The following PPP2R2C variants were observed in gnomAD, a reference collection of about 807,000 sequenced individuals.
The protein encoded by PPP2R2C is protein phosphatase 2 regulatory subunit Bgamma.
PPP2R2C carries 10 observed loss-of-function variants against 45.3 expected under a neutral mutation model. The ratio of observed to expected loss-of-function variants is 0.22; its 90% CI spans 0.14 to 0.37. The LOEUF (loss-of-function observed/expected upper bound fraction) is 0.37. Among genes scored for constraint, PPP2R2C ranks in the 10% least tolerant of loss-of-function variants. The pLI is 1.00. For missense variants in PPP2R2C, 308 were observed against 619.7 expected (o/e 0.50, Z 5.34); for synonymous variants, 257 against 245.4 (o/e 1.05, Z -0.44).
chr4:6,406,350 G>A lies in PPP2R2C; in HGVS notation c.71-25256C>T, dbSNP rs375302535. 4.3e-4 allele frequency among the ~76,000 whole-genome samples: 65 copies of A among 152,322 alleles called. No individual in the cohort carries two copies. The South Asian group carries it at 0.013, about 31-fold the overall frequency. Reference sequence around the variant, plus strand: ...GAATTTCAAAGCTTAGAAAAATAAAGTGCTGATTTGTCTTCTTTGCTGCTT... The same window carrying A: ...GAATTTCAAAGCTTAGAAAAATAAAATGCTGATTTGTCTTCTTTGCTGCTT... On this transcript the variant is annotated intron_variant, in intron 1 of 8. Transcript: ENST00000382599.
chr4:6,351,895 G>A (rs1299898439), intron 5 of PPP2R2C, among the ~76,000 whole-genome samples: 2 of 152,140 alleles, frequency 1.3e-5, no homozygotes, highest in Non-Finnish European at 2.9e-5. Flanking sequence ...GTGGCCATAG[G>A]ACCTACCCGG....
intron 1 of PPP2R2C, among the ~76,000 whole-genome samples, chr4:6,415,539 G>A (rs1718520281): frequency 6.6e-6 from 1 of 152,222 alleles, no homozygotes; most frequent in Admixed American, 6.5e-5. Context: ...AACCTCAGCT[G>A]TGAGGGGGGC....
At chr4:6,325,288 G>T (rs893171993) in intron 8 of PPP2R2C, among the ~76,000 whole-genome samples, 1 of 152,190 alleles carries the variant, frequency 6.6e-6, no homozygotes, top group Non-Finnish European at 1.5e-5. Flanking sequence ...TTTGCTTCTT[G>T]TTATTTACCA....
At chr4:6,389,923 C>G (rs1373131088) in intron 1 of PPP2R2C, among the ~76,000 whole-genome samples, 1 of 152,138 alleles carries the variant, frequency 6.6e-6, no homozygotes, top group African/African-American at 2.4e-5. Flanking sequence ...TGGTTCTCCT[C>G]TCAGCGTTTA....
intron 1 of PPP2R2C, among the ~76,000 whole-genome samples, chr4:6,412,075 C>G (rs1718236088): frequency 6.6e-6 from 1 of 152,218 alleles, no homozygotes; most frequent in Admixed American, 6.5e-5. Flanking sequence ...CCCACAGACC[C>G]TGGCCCCAAA....
At chr4:6,374,454 G>A (rs1715133322) in intron 4 of PPP2R2C, among the ~76,000 whole-genome samples, 1 of 152,174 alleles carries the variant, frequency 6.6e-6, no homozygotes, top group African/African-American at 2.4e-5. Context: ...TCAAGATGAG[G>A]GGCAAGGAAG....
chr4:6,384,005 T>G (rs1186722162), intron 1 of PPP2R2C: 2 of 985,580 alleles, frequency 2.0e-6, no homozygotes, highest in Non-Finnish European at 2.4e-6. Flanking sequence ...TCAAGACAGA[T>G]GCACATGTCA....
chr4:6,481,517 T>C (rs4689462), intron 2 of PPP2R2C, among the ~76,000 whole-genome samples: 3,140 of 152,316 alleles, frequency 0.021, 66 homozygotes, highest in East Asian at 0.063. Flanking sequence ...TTGGTCTTTC[T>C]GTCTGGCCCA....
At chr4:6,427,543 G>A (rs1719394709) in intron 1 of PPP2R2C, among the ~76,000 whole-genome samples, 1 of 152,208 alleles carries the variant, frequency 6.6e-6, no homozygotes, top group African/African-American at 2.4e-5. Flanking sequence ...GGACCTGCCA[G>A]GAATGAGCCC....
At chr4:6,343,527 G>A (rs1711540034) in intron 6 of PPP2R2C, among the ~76,000 whole-genome samples, 1 of 152,004 alleles carries the variant, frequency 6.6e-6, no homozygotes, top group Non-Finnish European at 1.5e-5. Flanking sequence ...GACCAGCCTG[G>A]CCAACACAGC....
At chr4:6,529,833 C>T (rs1388905178) in intron 2 of PPP2R2C, among the ~76,000 whole-genome samples, 1 of 152,214 alleles carries the variant, frequency 6.6e-6, no homozygotes, top group African/African-American at 2.4e-5. Context: ...GGACCACTCA[C>T]TTCTCTGCTT....
chr4:6,516,478 G>A (rs1031705906), intron 2 of PPP2R2C, among the ~76,000 whole-genome samples: 5 of 152,186 alleles, frequency 3.3e-5, no homozygotes, highest in East Asian at 1.9e-4. Flanking sequence ...CTCCCCATCC[G>A]CAGGGCCTGA....
chr4:6,558,637 A>G (rs1386291720), intron 1 of PPP2R2C, among the ~76,000 whole-genome samples: 5 of 152,176 alleles, frequency 3.3e-5, no homozygotes, highest in Non-Finnish European at 7.4e-5. Context: ...GCAGCCAGGA[A>G]CTACACAATG....
chr4:6,395,854 T>C (rs886528731), intron 1 of PPP2R2C, among the ~76,000 whole-genome samples: 2 of 152,152 alleles, frequency 1.3e-5, no homozygotes, highest in Non-Finnish European at 2.9e-5. Flanking sequence ...CTGCAGGCCT[T>C]GTTCCCCAGC....
upstream of PPP2R2C, among the ~76,000 whole-genome samples, chr4:6,477,142 C>G (rs547244239): frequency 1.5e-4 from 23 of 152,232 alleles, no homozygotes; most frequent in African/African-American, 4.3e-4. Context: ...GTGGTCCGAG[C>G]TACTCGGGAT....
intron 1 of PPP2R2C, among the ~76,000 whole-genome samples, chr4:6,420,787 G>A (rs149836286): frequency 5.4e-4 from 83 of 152,294 alleles, no homozygotes; most frequent in Middle Eastern, 6.8e-3. Context: ...ACCAGACCTC[G>A]ACGATGACGG....
chr4:6,387,058 A>G (rs1207708917), intron 1 of PPP2R2C, among the ~76,000 whole-genome samples: 1 of 152,156 alleles, frequency 6.6e-6, no homozygotes, highest in Admixed American at 6.5e-5. Flanking sequence ...TGAAGAATAG[A>G]GAGAAAAAAA....
rs773405080 is a variant in PPP2R2C, at chr4:6,323,292, C to G, written c.*10G>C. 2 of 1,582,030 alleles carry G rather than the reference C, an allele frequency of 1.3e-6. No homozygotes were observed. Among genetic ancestry groups the G allele is most frequent in the East Asian group, 2.3e-5 (1 of 44,098 alleles). ...GAGGCTGGGTGGCAGGGGCCGGGAA[C>G]TGCACATACCTAGTGCATGTCAGAG... On this transcript the variant is annotated 3_prime_UTR_variant, in exon 9 of 9. Transcript: ENST00000382599.
intron 2 of PPP2R2C, among the ~76,000 whole-genome samples, chr4:6,522,942 G>A (rs149539783): frequency 1.1e-4 from 16 of 152,374 alleles, no homozygotes; most frequent in African/African-American, 3.6e-4. Flanking sequence ...AGATGAGGAA[G>A]CTGAGGCAGG....
Sources: allele counts gnomAD v4.1 joint callset (sites outside exome capture counted in the v4.1 genomes callset), GRCh38; gene constraint gnomAD v4.1.1; transcripts MANE v1.5; gene names NCBI Gene and HGNC (gene_info 2026-07-23, HGNC 2026-07-21).